PABPN1L: variants seen among roughly 807,000 people sequenced by gnomAD.
PABPN1L encodes the protein embryonic polyadenylate-binding protein 2.
In PABPN1L, 45 loss-of-function variants were observed where a neutral mutation model predicts 34.0. That is an observed-to-expected ratio of 1.32 (90% confidence interval 1.04 to 1.70). The LOEUF (loss-of-function observed/expected upper bound fraction) is 1.70, where lower values mean the gene tolerates loss of function less well. Ranked by LOEUF, PABPN1L falls within the 40% of genes most tolerant of loss-of-function variation. The pLI, the probability that PABPN1L is intolerant of heterozygous loss-of-function variation, is 0.00. For missense variants in PABPN1L, 459 were observed against 367.8 expected, an observed-to-expected ratio of 1.25 and a Z score of -2.03; for synonymous variants, 182 against 152.1, an observed-to-expected ratio of 1.20 and a Z score of -1.45.
At chr16:88,864,127 A>G (rs894946896) in intron 6 of PABPN1L, 110 bp downstream of exon 6, 26 of 1,361,652 alleles carry the variant, frequency 1.9e-5, no homozygotes, top group Admixed American at 8.4e-5. Flanking sequence ...AGGCCCCGCC[A>G]GGTACATTCC....
chr16:88,867,321 A>G (rs1968624526), upstream of PABPN1L, among the ~76,000 whole-genome samples: 1 of 148,724 alleles, frequency 6.7e-6, no homozygotes, highest in South Asian at 2.1e-4. Flanking sequence ...TTTGCCTCCC[A>G]GGTTCGGGTG....
chr16:88,866,370 C>T lies in PABPN1L; in HGVS notation c.237G>A (p.Glu79=), dbSNP rs766901245. ...CTGTTACCTGGTCAGGCAATGGGCA[C>T]TCAGCCAGGTTCTCTTGCTCCAGCA... The change falls in exon 1 of 7, where the codon GAG becomes GAA. Residue 79 remains glutamate, a synonymous_variant. Transcript: ENST00000419291. 1.2e-5 allele frequency: 18 copies of T among 1,550,306 alleles called. No individual in the cohort carries two copies. In the South Asian group the frequency reaches 1.9e-4, roughly 16 times the overall value.
At chr16:88,867,060 G>T (rs1968619722), upstream of PABPN1L, among the ~76,000 whole-genome samples, 1 of 152,202 alleles carries the variant, frequency 6.6e-6, no homozygotes, top group African/African-American at 2.4e-5. Flanking sequence ...AGGAGAGGCA[G>T]GGCCTGAGCA....
chr16:88,865,784 G>A lies in PABPN1L; in HGVS notation c.391+22C>T, dbSNP rs748924445. 2.4e-5 allele frequency: 38 copies of A among 1,591,580 alleles called. No individual in the cohort carries two copies. The East Asian group carries it at 3.8e-4, about 16-fold the overall frequency. On this transcript the variant is annotated intron_variant, in intron 2 of 6. Coordinates refer to ENST00000419291, the Ensembl canonical transcript of PABPN1L. ...GTGGGACCCTTGCTCAGTGGGGGGC[G>A]GCCTGTGCCCTTGGTTCCTACCCAC...
intron 5 of PABPN1L, among the ~76,000 whole-genome samples, chr16:88,864,645 G>A (rs1314369898): frequency 2.2e-5 from 3 of 138,406 alleles, no homozygotes; most frequent in Admixed American, 6.8e-5. Context: ...GCTCCCGCCC[G>A]AGAGGGGACA....
chr16:88,864,903 G>C, exon 5 of PABPN1L: 1 of 1,611,500 alleles, frequency 6.2e-7, no homozygotes, highest in Non-Finnish European at 8.5e-7. Context: ...ACGGCGGCCT[G>C]CACGGAGCCC....
chr16:88,868,422 G>A (rs557178524), upstream of PABPN1L, among the ~76,000 whole-genome samples: 2 of 152,244 alleles, frequency 1.3e-5, no homozygotes, highest in East Asian at 1.9e-4. Flanking sequence ...GGCCAACATG[G>A]TGAAACCCTG....
Position 88,865,844 on chromosome 16 carries a change from CCCT to C in PABPN1L, c.350_352del (p.Glu117del), listed in dbSNP as rs775699297. ...GCTCAGCAGCTGCCCGGCCGCGGTG[CCCT>C]CCTCTTCCTCGGCCTGTTGCTGCAC... On this transcript the variant is annotated inframe_deletion, in exon 2 of 7. Coordinates refer to ENST00000419291, the Ensembl canonical transcript of PABPN1L. 1.9e-6 allele frequency: 3 copies of C among 1,609,842 alleles called. No homozygotes were observed. In the East Asian group the frequency reaches 6.7e-5, roughly 36 times the overall value.
chr16:88,865,096 C>A, exon 4 of PABPN1L: 1 of 1,587,808 alleles, frequency 6.3e-7, no homozygotes. Flanking sequence ...TGAAGTGGGC[C>A]TCCAGCTCCT....
At chr16:88,869,797 T>A (rs1968664451), upstream of PABPN1L, among the ~76,000 whole-genome samples, 1 of 152,242 alleles carries the variant, frequency 6.6e-6, no homozygotes, top group Admixed American at 6.5e-5. Context: ...CCTCACCCTG[T>A]CTGAGATTGC....
upstream of PABPN1L, among the ~76,000 whole-genome samples, chr16:88,867,265 T>C (rs1323446425): frequency 6.6e-6 from 1 of 152,026 alleles, no homozygotes; most frequent in East Asian, 1.9e-4. Flanking sequence ...TCTTGCTTTG[T>C]TGCCAAGTCT....
intron 5 of PABPN1L, 127 bp from the exon 6 acceptor site, chr16:88,864,506 G>A (rs1257035171): frequency 7.4e-6 from 10 of 1,356,646 alleles, no homozygotes; most frequent in Admixed American, 2.8e-5. Flanking sequence ...GGGCCTACAG[G>A]GTTCCCTGCC....
At chr16:88,865,494 G>A in intron 3 of PABPN1L, 69 bp downstream of exon 3, 1 of 1,555,046 alleles carries the variant, frequency 6.4e-7, no homozygotes, top group Admixed American at 1.9e-5. Context: ...CCCATGGCCG[G>A]GCGCCAGACC....
At chr16:88,868,206 T>C (rs1040546756), upstream of PABPN1L, among the ~76,000 whole-genome samples, 3 of 151,758 alleles carry the variant, frequency 2.0e-5, no homozygotes, top group Admixed American at 6.6e-5. Context: ...CTGAGATGGG[T>C]CTCAATCAAT....
At chr16:88,863,878 A>G (rs1968510361) in intron 6 of PABPN1L, 83 bp from the exon 7 acceptor site, 4 of 1,378,638 alleles carry the variant, frequency 2.9e-6, no homozygotes, top group Non-Finnish European at 3.9e-6. Flanking sequence ...CAACAGGATA[A>G]GGATGCAGGG....
At position 88,865,626 on chromosome 16, in the gene PABPN1L, G is replaced by T. The variant is rs371640684; in HGVS notation, c.396C>A (p.Cys132Ter). ...TCTCCTCGGGGGTCCCAGAGAGGGG[G>T]CAGCCTGCGGAGAACACAGCTCAGG... Residue 132 changes from cysteine to a stop codon, truncating the protein, a stop_gained, in exon 3 of 7, where the codon TGC becomes TGA. Coordinates refer to ENST00000419291, the Ensembl canonical transcript of PABPN1L. LOFTEE classifies it high-confidence loss of function. 75 of 1,607,416 alleles carry T rather than the reference G, an allele frequency of 4.7e-5. No individual in the cohort carries two copies. The East Asian group carries it at 1.5e-3, about 33-fold the overall frequency.
chr16:88,864,914 T>G lies in PABPN1L; in HGVS notation c.593A>C (p.Lys198Thr), dbSNP rs1352826201. 1.5e-5 allele frequency: 23 copies of G among 1,494,242 alleles called. No homozygotes were observed. The Admixed American group carries it at 1.6e-4, about 10-fold the overall frequency. 92.6% of individuals were successfully genotyped at this position (1,494,242 alleles called of 1,614,324 possible). ...CTCCACGGCGGCCTGCACGGAGCCC[T>G]TGGTGGCAAACTCTATGTAGGCATA... The change falls in exon 5 of 7, where the codon AAG (lysine) becomes ACG (threonine). Residue 198 changes from lysine to threonine, a missense_variant. Physicochemically the swap from Lys to Thr is moderately conservative, Grantham distance 78 (BLOSUM62 -1). Transcript: ENST00000419291.
intron 5 of PABPN1L, 78 bp downstream of exon 5, chr16:88,864,775 G>A: frequency 7.0e-7 from 1 of 1,423,570 alleles, no homozygotes; most frequent in Non-Finnish European, 9.7e-7. Context: ...GGAGCCAGCT[G>A]GGGCTGCTGT....
intron 1 of PABPN1L, 62 bp downstream of exon 1, chr16:88,866,290 T>C: frequency 6.6e-7 from 1 of 1,508,014 alleles, no homozygotes; most frequent in Non-Finnish European, 8.9e-7. Flanking sequence ...AGACCCCGTG[T>C]CTCCACCAGC....
Sources: gnomAD v4.1 joint callset for allele counts (sites outside exome capture counted in the v4.1 genomes callset) on GRCh38, gnomAD v4.1.1 for gene constraint, MANE v1.5 for transcripts, NCBI Gene and HGNC (gene_info 2026-07-23, HGNC 2026-07-21) for gene names.